GRM8: variants seen among roughly 807,000 people sequenced by gnomAD.
The protein encoded by GRM8 is glutamate metabotropic receptor 8.
A neutral mutation model predicts 87.2 loss-of-function variants in GRM8; 47 were observed. The ratio of observed to expected loss-of-function variants is 0.54; its 90% CI spans 0.43 to 0.69. GRM8 has a LOEUF of 0.69. Ranked by LOEUF, GRM8 falls within the 30% of genes least tolerant of loss-of-function variation. The probability of loss-of-function intolerance (pLI) is 0.00; values close to 1 mark genes in which losing one functional copy is unlikely to be tolerated. For synonymous variants in GRM8, 396 were observed against 404.5 expected (o/e 0.98, Z 0.25); for missense variants, 1,019 against 1,139.2 (o/e 0.89, Z 1.52).
chr7:127,096,268 T>C (rs914112578), intron 3 of GRM8, among the ~76,000 whole-genome samples: 2 of 150,444 alleles, frequency 1.3e-5, no homozygotes, highest in African/African-American at 4.9e-5. Context: ...CCTTACAAGA[T>C]ACAAATTGAG....
At chr7:127,135,672 T>TAAA (rs1005178218) in intron 2 of GRM8, among the ~76,000 whole-genome samples, 34 of 144,070 alleles carry the variant, frequency 2.4e-4, no homozygotes, top group African/African-American at 8.1e-4. Context: ...ATTTTTTTCA[T>TAAA]AAACCGGGCA....
At chr7:126,757,815 C>G (rs1305857028) in intron 7 of GRM8, among the ~76,000 whole-genome samples, 1 of 152,154 alleles carries the variant, frequency 6.6e-6, no homozygotes, top group Non-Finnish European at 1.5e-5. Flanking sequence ...TACACATTCC[C>G]TGAACACCTT....
chr7:126,832,703 T>C (rs896675810), intron 6 of GRM8, among the ~76,000 whole-genome samples: 1 of 152,190 alleles, frequency 6.6e-6, no homozygotes, highest in African/African-American at 2.4e-5. Context: ...ATGACTATCC[T>C]TCTCAACAGA....
chr7:127,190,371 C>A (rs148907303), intron 2 of GRM8, among the ~76,000 whole-genome samples: 48 of 152,100 alleles, frequency 3.2e-4, no homozygotes, highest in African/African-American at 1.1e-3. Context: ...TGGTGAAACC[C>A]CATCTCTACT....
At chr7:126,924,028 C>T (rs1052819455) in intron 3 of GRM8, among the ~76,000 whole-genome samples, 2 of 152,252 alleles carry the variant, frequency 1.3e-5, no homozygotes, top group East Asian at 3.9e-4. Flanking sequence ...TCACAGTTCT[C>T]CAGAAAGGAT....
chr7:126,696,856 A>T (rs757573830), intron 7 of GRM8, among the ~76,000 whole-genome samples: 1 of 152,116 alleles, frequency 6.6e-6, no homozygotes, highest in Non-Finnish European at 1.5e-5. Flanking sequence ...TGACCCAGCA[A>T]TCCCTCTTCT....
chr7:126,983,204 A>C (rs1375134394), intron 3 of GRM8, among the ~76,000 whole-genome samples: 1 of 151,898 alleles, frequency 6.6e-6, no homozygotes. Context: ...CCAGCAGAAC[A>C]TAATATTGTG....
chr7:127,245,223 C>T (rs974967551), intron 1 of GRM8, among the ~76,000 whole-genome samples: 7 of 152,210 alleles, frequency 4.6e-5, no homozygotes, highest in African/African-American at 1.4e-4. Context: ...TTAACAGTTT[C>T]ACAAGGAAAA....
At chr7:126,555,072 A>G (rs1792992120) in intron 8 of GRM8, among the ~76,000 whole-genome samples, 1 of 152,214 alleles carries the variant, frequency 6.6e-6, no homozygotes, top group Non-Finnish European at 1.5e-5. Flanking sequence ...AAACTCAAAG[A>G]AACACTTAAA....
chr7:126,670,872 C>T (rs1806303291), intron 7 of GRM8, among the ~76,000 whole-genome samples: 2 of 152,166 alleles, frequency 1.3e-5, no homozygotes. Context: ...GTGAAGTATA[C>T]ACTCCTGTGG....
At chr7:126,491,200 G>A (rs1019885524) in intron 9 of GRM8, among the ~76,000 whole-genome samples, 3 of 151,972 alleles carry the variant, frequency 2.0e-5, no homozygotes, top group African/African-American at 7.2e-5. Context: ...ACCGTTACTA[G>A]CATCTTATGG....
intron 2 of GRM8, among the ~76,000 whole-genome samples, chr7:127,178,100 A>G (rs1244638444): frequency 6.6e-6 from 1 of 152,220 alleles, no homozygotes; most frequent in African/African-American, 2.4e-5. Context: ...AATCCAAAAA[A>G]TAATGCAAGA....
chr7:126,476,757 G>T (rs1468694945), intron 9 of GRM8, among the ~76,000 whole-genome samples: 1 of 151,968 alleles, frequency 6.6e-6, no homozygotes, highest in Admixed American at 6.6e-5. Flanking sequence ...ATGTTGACAA[G>T]GATGGGGAGA....
intron 2 of GRM8, among the ~76,000 whole-genome samples, chr7:127,186,543 C>A (rs1003459709): frequency 3.3e-5 from 5 of 152,160 alleles, no homozygotes; most frequent in Non-Finnish European, 4.4e-5. Flanking sequence ...AAGTTCCTAG[C>A]AGATAGCCTC....
intron 2 of GRM8, among the ~76,000 whole-genome samples, chr7:127,120,576 G>A (rs910232562): frequency 7.2e-5 from 11 of 152,146 alleles, no homozygotes; most frequent in Non-Finnish European, 2.9e-5. Flanking sequence ...AATTGGAAAA[G>A]CTCTGCTATA....
At chr7:127,182,755 A>G (rs183501509) in intron 2 of GRM8, among the ~76,000 whole-genome samples, 11 of 151,796 alleles carry the variant, frequency 7.2e-5, no homozygotes, top group Admixed American at 5.3e-4. Flanking sequence ...AGTCACTTAG[A>G]TGAGATTGGA....
chr7:126,780,770 G>A (rs1409974390), intron 6 of GRM8, among the ~76,000 whole-genome samples: 2 of 152,158 alleles, frequency 1.3e-5, no homozygotes, highest in Non-Finnish European at 2.9e-5. Context: ...AAATGACCGG[G>A]AGTCTATCTG....
chr7:126,525,448 T>C (rs1340887793), intron 9 of GRM8, among the ~76,000 whole-genome samples: 1 of 152,158 alleles, frequency 6.6e-6, no homozygotes, highest in Non-Finnish European at 1.5e-5. Flanking sequence ...TCTTTCTACA[T>C]TAAGGTTGGA....
chr7:127,099,981 T>C (rs1218404093), intron 3 of GRM8, among the ~76,000 whole-genome samples: 5 of 152,018 alleles, frequency 3.3e-5, no homozygotes, highest in African/African-American at 1.2e-4. Flanking sequence ...AAGAAGATGG[T>C]CATGTGATGG....
Sources: allele counts gnomAD v4.1 joint callset (sites outside exome capture counted in the v4.1 genomes callset), GRCh38; gene constraint gnomAD v4.1.1; transcripts MANE v1.5; gene names NCBI Gene and HGNC (gene_info 2026-07-23, HGNC 2026-07-21).